Variants in WNT3A observed in about 807,000 individuals in gnomAD.
The protein encoded by WNT3A is Wnt family member 3A.
In WNT3A, 17 loss-of-function variants were observed where a neutral mutation model predicts 37.0. That is an observed-to-expected ratio of 0.46 (90% CI 0.31 to 0.69). The LOEUF is 0.69. Among genes scored for constraint, WNT3A ranks in the 30% least tolerant of loss-of-function variants. WNT3A has a pLI of 0.05. For missense variants in WNT3A, 411 were observed against 510.2 expected (o/e 0.81, Z 1.87); for synonymous variants, 187 against 211.0 (o/e 0.89, Z 0.99).
At position 228,060,584 on chromosome 1, in the gene WNT3A, G is replaced by A. The variant is rs1416655943; in HGVS notation, c.*1119G>A. On this transcript the variant is annotated 3_prime_UTR_variant, in exon 4 of 4. Transcript: ENST00000284523. The stretch of plus-strand genomic sequence containing the variant: ...CCCGCCCTGCCCGGGCTCCCACACC[G>A]TCAGGTACTCCTGCCAGGGAACTGG... 3 of 249,912 alleles carry A rather than the reference G, an allele frequency of 1.2e-5. No homozygotes were observed. Among genetic ancestry groups the A allele is most frequent in the South Asian group, 4.2e-5 (1 of 23,662 alleles). 15.5% of individuals were successfully genotyped at this position (249,912 alleles called of 1,614,324 possible). A position where few individuals can be genotyped will look rare whatever the true frequency, so the allele number is the denominator to read the frequency against.
chr1:228,013,554 G>T lies in WNT3A; in HGVS notation c.71+6355G>T, dbSNP rs543051227. 3.1e-3 allele frequency among the ~76,000 whole-genome samples: 470 copies of T among 152,324 alleles called. 1 individual carries two copies. The highest frequency in any genetic ancestry group is 0.011 in the African/African-American group (438 of 41,580). ...GCTGGGCCGGCGGGCAGGAGGAGGT[G>T]CGGGTTGGGAGAGCTCCAGGCAGGG... On this transcript the variant is annotated intron_variant, in intron 1 of 3. Transcript: ENST00000284523.
Position 228,059,787 on chromosome 1 carries a change from C to T in WNT3A, c.*322C>T. 8.8e-7 allele frequency: 1 copy of T among 1,142,044 alleles called. No homozygotes were observed. Among genetic ancestry groups the T allele is most frequent in the East Asian group, 5.0e-5 (1 of 19,922 alleles). 70.7% of individuals were successfully genotyped at this position (1,142,044 alleles called of 1,614,324 possible). ...GGGCTACAGATTGGGCGGGGCTTCT[C>T]TTGGGTGGGACAGGGCTTCTCCTGC... is the stretch of plus-strand genomic sequence containing the variant. On this transcript the variant is annotated 3_prime_UTR_variant, in exon 4 of 4. Coordinates refer to ENST00000284523, the MANE Select transcript of WNT3A (RefSeq NM_033131.4).
chr1:228,019,381 G>A lies in WNT3A; in HGVS notation c.72-3286G>A, dbSNP rs566894758. Among the ~76,000 whole-genome samples the A allele has an allele frequency of 5.3e-5, 8 of 152,342 alleles. No individual in the cohort carries two copies. In the East Asian group the frequency reaches 1.4e-3, roughly 26 times the overall value. On this transcript the variant is annotated intron_variant, in intron 1 of 3. Coordinates refer to ENST00000284523, the MANE Select transcript of WNT3A (RefSeq NM_033131.4). ...GGCCGCATCCCCCAGGCCAGTCCCTGTTTTGTAAGCAGCAAGCTCTAAGTG... is the reference window on the plus strand; with the variant it reads ...GGCCGCATCCCCCAGGCCAGTCCCTATTTTGTAAGCAGCAAGCTCTAAGTG...
intron 2 of WNT3A, among the ~76,000 whole-genome samples, chr1:228,032,024 C>A (rs1397803829): frequency 6.6e-6 from 1 of 152,166 alleles, no homozygotes; most frequent in Non-Finnish European, 1.5e-5. Flanking sequence ...GGGGAACATG[C>A]CATTCCCTAA....
At chr1:228,024,903 T>C (rs1341802947) in intron 2 of WNT3A, among the ~76,000 whole-genome samples, 1 of 152,236 alleles carries the variant, frequency 6.6e-6, no homozygotes, top group Non-Finnish European at 1.5e-5. Flanking sequence ...CTGTTCTTTT[T>C]CCCATCAAAT....
chr1:228,029,772 A>C, intron 2 of WNT3A, among the ~76,000 whole-genome samples: 1 of 138,524 alleles, frequency 7.2e-6, no homozygotes, highest in South Asian at 2.4e-4. Context: ...TGAAATCCTC[A>C]CCCACAGGTG....
intron 1 of WNT3A, among the ~76,000 whole-genome samples, chr1:228,017,109 A>G (rs1171509372): frequency 6.6e-6 from 1 of 152,154 alleles, no homozygotes; most frequent in Non-Finnish European, 1.5e-5. Flanking sequence ...GTTCTGCTGT[A>G]TTAGCCGGTG....
chr1:228,034,752 C>A (rs1014787670), intron 2 of WNT3A, among the ~76,000 whole-genome samples: 2 of 152,150 alleles, frequency 1.3e-5, no homozygotes, highest in Non-Finnish European at 2.9e-5. Context: ...TCCTATCAGC[C>A]CATGACTCAG....
intron 2 of WNT3A, among the ~76,000 whole-genome samples, chr1:228,043,613 G>A (rs2031338391): frequency 6.6e-6 from 1 of 152,216 alleles, no homozygotes; most frequent in African/African-American, 2.4e-5. Context: ...TGGTTTCCGT[G>A]GAGGCTGGCT....
rs576139917 is a variant in WNT3A, at chr1:228,014,660, C to T, written c.71+7461C>T. ...TTAGGTAGCACCTCCAGTGCCGCCA[C>T]GTAAGATGGGAAATTGCACATGGGA... is the stretch of plus-strand genomic sequence containing the variant. On this transcript the variant is annotated intron_variant, in intron 1 of 3. Coordinates refer to ENST00000284523, the MANE Select transcript of WNT3A (RefSeq NM_033131.4). Among the ~76,000 whole-genome samples the T allele has an allele frequency of 8.5e-5, 13 of 152,368 alleles. No individual in the cohort carries two copies. In the South Asian group the frequency reaches 2.3e-3, roughly 27 times the overall value.
At chr1:228,009,608 C>A (rs998295846) in intron 1 of WNT3A, among the ~76,000 whole-genome samples, 1 of 152,170 alleles carries the variant, frequency 6.6e-6, no homozygotes, top group African/African-American at 2.4e-5. Context: ...TCACCTGTGC[C>A]CCCAGCCCCT....
At chr1:228,015,633 T>C (rs1376516903) in intron 1 of WNT3A, among the ~76,000 whole-genome samples, 1 of 152,044 alleles carries the variant, frequency 6.6e-6, no homozygotes, top group Non-Finnish European at 1.5e-5. Flanking sequence ...GGCCCAGACC[T>C]CACTGTGATC....
intron 2 of WNT3A, among the ~76,000 whole-genome samples, chr1:228,046,463 T>TG (rs34324370): frequency 0.72 from 109,280 of 151,532 alleles, 39,551 homozygotes; most frequent in African/African-American, 0.79. Context: ...TGTGTGTGCA[T>TG]TGCACGAGGC....
intron 2 of WNT3A, among the ~76,000 whole-genome samples, chr1:228,028,574 T>C (rs946981799): frequency 6.6e-5 from 10 of 152,146 alleles, no homozygotes; most frequent in African/African-American, 2.4e-4. Flanking sequence ...TCCACCCACC[T>C]TGGCCTCTCA....
At chr1:228,017,738 G>T (rs1249940489) in intron 1 of WNT3A, among the ~76,000 whole-genome samples, 1 of 152,104 alleles carries the variant, frequency 6.6e-6, no homozygotes, top group Non-Finnish European at 1.5e-5. Flanking sequence ...AAATAATAAA[G>T]GCCATGGCAG....
chr1:228,048,401 T>G (rs923183907), intron 2 of WNT3A, among the ~76,000 whole-genome samples: 2 of 152,130 alleles, frequency 1.3e-5, no homozygotes, highest in Non-Finnish European at 2.9e-5. Flanking sequence ...AAAGCCCAGG[T>G]GTCTTCTTGC....
chr1:228,021,889 G>C (rs2030717137), intron 1 of WNT3A, among the ~76,000 whole-genome samples: 1 of 152,200 alleles, frequency 6.6e-6, no homozygotes, highest in Non-Finnish European at 1.5e-5. Flanking sequence ...CCCCCATTGG[G>C]CTCCAGGTCA....
At position 228,059,771 on chromosome 1, in the gene WNT3A, A is replaced by T; in HGVS notation, c.*306A>T. On this transcript the variant is annotated 3_prime_UTR_variant, in exon 4 of 4. Transcript: ENST00000284523. ...CCCCTGGACAGAGGCGGGGCTACAGATTGGGCGGGGCTTCTCTTGGGTGGG... is the reference window on the plus strand; with the variant it reads ...CCCCTGGACAGAGGCGGGGCTACAGTTTGGGCGGGGCTTCTCTTGGGTGGG... 1 of 1,127,174 alleles carries T rather than the reference A, an allele frequency of 8.9e-7. No homozygotes were observed. Among genetic ancestry groups the T allele is most frequent in the Non-Finnish European group, 1.1e-6 (1 of 921,136 alleles). The allele number at this position is 1,127,174 out of a possible 1,614,324, so 69.8% of individuals were successfully genotyped here. A position where few individuals can be genotyped will look rare whatever the true frequency, so the allele number is the denominator to read the frequency against.
At chr1:228,027,165 C>T (rs923934199) in intron 2 of WNT3A, among the ~76,000 whole-genome samples, 1 of 152,172 alleles carries the variant, frequency 6.6e-6, no homozygotes, top group South Asian at 2.1e-4. Context: ...TTTTCTTTAT[C>T]CACTTGTGAG....
Sources: allele counts gnomAD v4.1 joint callset (sites outside exome capture counted in the v4.1 genomes callset), GRCh38; gene constraint gnomAD v4.1.1; transcripts MANE v1.5; gene names NCBI Gene and HGNC (gene_info 2026-07-23, HGNC 2026-07-21).